PLCZ1: variants seen among roughly 807,000 people sequenced by gnomAD.
PLCZ1 encodes the protein phospholipase C zeta 1.
A neutral mutation model predicts 76.8 loss-of-function variants in PLCZ1; 64 were observed. That is an observed-to-expected ratio of 0.83 (90% CI 0.68 to 1.03). PLCZ1 has a LOEUF of 1.03. PLCZ1 is among the 50% of genes least tolerant of loss of function. The pLI, the probability that PLCZ1 is intolerant of heterozygous loss-of-function variation, is 0.00. For missense variants in PLCZ1, 751 were observed against 713.7 expected (o/e 1.05, Z -0.60); for synonymous variants, 248 against 230.8 (o/e 1.07, Z -0.68).
chr12:18,667,728 T>C, the PLCZ1 span, among the ~76,000 whole-genome samples: 1 of 152,278 alleles, frequency 6.6e-6, no homozygotes, highest in South Asian at 2.1e-4. Context: ...AAATAAGCAA[T>C]AGTATTTCTA....
chr12:18,655,504 A>C, the PLCZ1 span, among the ~76,000 whole-genome samples: 1 of 152,236 alleles, frequency 6.6e-6, no homozygotes, highest in Non-Finnish European at 1.5e-5. Context: ...GAACATAGCT[A>C]CCCATTCCTT....
At chr12:18,718,735 C>T (rs905265054) in intron 5 of PLCZ1, among the ~76,000 whole-genome samples, 1 of 152,178 alleles carries the variant, frequency 6.6e-6, no homozygotes, top group Non-Finnish European at 1.5e-5. Flanking sequence ...AGTTCATCTT[C>T]CCTGTATGAT....
chr12:18,662,039 C>A, the PLCZ1 span, among the ~76,000 whole-genome samples: 1 of 152,098 alleles, frequency 6.6e-6, no homozygotes, highest in Non-Finnish European at 1.5e-5. Flanking sequence ...AAAACCAATA[C>A]TGCGTGTTCT....
intron 5 of PLCZ1, 127 bp from the exon 6 acceptor site, chr12:18,713,113 A>T: frequency 1.6e-6 from 2 of 1,284,436 alleles, no homozygotes; most frequent in South Asian, 1.3e-5. Context: ...AAAACTCTAT[A>T]AAAACTTGTC....
At chr12:18,660,258 G>C in the PLCZ1 span, among the ~76,000 whole-genome samples, 1 of 152,084 alleles carries the variant, frequency 6.6e-6, no homozygotes, top group African/African-American at 2.4e-5. Flanking sequence ...CACACAGCTT[G>C]CCGAAACCAG....
the PLCZ1 span, among the ~76,000 whole-genome samples, chr12:18,670,200 A>C: frequency 2.9e-3 from 449 of 152,282 alleles, 4 homozygotes; most frequent in African/African-American, 9.9e-3. Context: ...GATCAATATA[A>C]AAATGAAATG....
the PLCZ1 span, among the ~76,000 whole-genome samples, chr12:18,650,026 T>C: frequency 6.6e-6 from 1 of 152,078 alleles, no homozygotes; most frequent in Non-Finnish European, 1.5e-5. Flanking sequence ...TTATATATCA[T>C]CTGAATACTG....
intron 3 of PLCZ1, among the ~76,000 whole-genome samples, chr12:18,733,713 G>A (rs1177814672): frequency 6.6e-6 from 1 of 152,028 alleles, no homozygotes; most frequent in African/African-American, 2.4e-5. Flanking sequence ...GCCATTTATT[G>A]GAGAGACTAT....
intron 2 of PLCZ1, chr12:18,736,643 C>T: frequency 7.7e-7 from 1 of 1,294,376 alleles, no homozygotes; most frequent in Non-Finnish European, 1.0e-6. Flanking sequence ...CAATCTATTG[C>T]CTGAAGGCAT....
intron 10 of PLCZ1, among the ~76,000 whole-genome samples, chr12:18,699,460 T>A (rs1955585733): frequency 6.6e-6 from 1 of 152,204 alleles, no homozygotes; most frequent in Admixed American, 6.5e-5. Flanking sequence ...AGGACAAAGT[T>A]CAAGCCTTCT....
the PLCZ1 span, chr12:18,648,461 A>C: frequency 5.3e-6 from 1 of 190,030 alleles, no homozygotes; most frequent in Non-Finnish European, 1.1e-5. Flanking sequence ...TAAATTATAT[A>C]TACTTATACC....
At chr12:18,703,607 G>A (rs888163828) in intron 7 of PLCZ1, among the ~76,000 whole-genome samples, 1 of 152,150 alleles carries the variant, frequency 6.6e-6, no homozygotes, top group African/African-American at 2.4e-5. Flanking sequence ...AGAATGTTAA[G>A]CAAACCCCTT....
At chr12:18,668,091 A>G in the PLCZ1 span, among the ~76,000 whole-genome samples, 5 of 152,202 alleles carry the variant, frequency 3.3e-5, no homozygotes, top group African/African-American at 1.2e-4. Context: ...ATACTAAAAG[A>G]GTCACTGTCT....
At chr12:18,686,800 A>AT (rs1403700858) in intron 13 of PLCZ1, among the ~76,000 whole-genome samples, 1 of 152,062 alleles carries the variant, frequency 6.6e-6, no homozygotes, top group African/African-American at 2.4e-5. Flanking sequence ...TAATAAACAG[A>AT]TTTTAAGTCT....
intron 3 of PLCZ1, among the ~76,000 whole-genome samples, chr12:18,724,378 T>C (rs1296117197): frequency 6.6e-6 from 1 of 152,118 alleles, no homozygotes; most frequent in Non-Finnish European, 1.5e-5. Context: ...TTAGAAAAAC[T>C]GGTAGAACTA....
chr12:18,654,153 G>A, the PLCZ1 span, among the ~76,000 whole-genome samples: 2 of 151,326 alleles, frequency 1.3e-5, no homozygotes, highest in African/African-American at 2.4e-5. Context: ...GATATGAAGG[G>A]GAAATGAAAT....
chr12:18,737,193 C>A lies in PLCZ1; in HGVS notation c.11+168G>T, dbSNP rs185054060. ...CTCATGTTCTTGTAAGAAAAAGATA[C>A]CAGAATGCAGGGAAAGTTAGAAAAG... On this transcript the variant is annotated intron_variant, in intron 2 of 14. Coordinates refer to ENST00000266505, the MANE Select transcript of PLCZ1 (RefSeq NM_033123.4). 1.7e-3 allele frequency among the ~76,000 whole-genome samples: 253 copies of A among 152,090 alleles called. 1 individual carries two copies. The highest frequency in any genetic ancestry group is 6.8e-3 in the Middle Eastern group (2 of 294).
At chr12:18,729,505 A>C (rs1462319333) in intron 3 of PLCZ1, among the ~76,000 whole-genome samples, 2 of 152,078 alleles carry the variant, frequency 1.3e-5, no homozygotes, top group Admixed American at 1.3e-4. Flanking sequence ...GAGTGTCACC[A>C]CATACTATAG....
rs921983372 is a variant in PLCZ1 at position 18,737,534 on chromosome 12, A to G, written c.-138-25T>C. Reference sequence around the variant, plus strand: ...TCTAGGGAGAAAGCAGAGAACACACAGTGGTTTTTTTTGCCTTCGTTCTTT... The same window carrying G: ...TCTAGGGAGAAAGCAGAGAACACACGGTGGTTTTTTTTGCCTTCGTTCTTT... On this transcript the variant is annotated intron_variant, in intron 1 of 14. Transcript: ENST00000266505. 1.2e-5 allele frequency: 11 copies of G among 919,540 alleles called. No homozygotes were observed. The African/African-American group carries it at 2.4e-4, about 20-fold the overall frequency. The allele number at this position is 919,540 out of a possible 1,614,324, so 57.0% of individuals were successfully genotyped here.
Sources: allele counts gnomAD v4.1 joint callset (sites outside exome capture counted in the v4.1 genomes callset), GRCh38; gene constraint gnomAD v4.1.1; transcripts MANE v1.5; gene names NCBI Gene and HGNC (gene_info 2026-07-23, HGNC 2026-07-21).